The following OTOP1 variants were observed in gnomAD, a reference collection of about 807,000 sequenced individuals.
OTOP1 encodes the protein proton channel OTOP1.
Under a neutral mutation model 52.9 loss-of-function variants are expected in OTOP1, and 59 were observed. The observed-to-expected ratio is 1.12, with a 90% CI of 0.91 to 1.39. OTOP1 has a LOEUF of 1.39. Ranked by LOEUF, OTOP1 falls within the 40% of genes most tolerant of loss-of-function variation. The probability of loss-of-function intolerance (pLI) is 0.00; values close to 1 mark genes in which losing one functional copy is unlikely to be tolerated. For synonymous variants in OTOP1, 317 were observed against 337.7 expected (o/e 0.94, Z 0.67); for missense variants, 761 against 800.9 (o/e 0.95, Z 0.60).
In OTOP1 at chr4:4,197,295, C is replaced by T; in HGVS notation, c.1539G>A (p.Glu513=). The T allele has an allele frequency of 6.2e-7, 1 of 1,614,168 alleles. No homozygotes were observed. Among genetic ancestry groups the T allele is most frequent in the Non-Finnish European group, 8.5e-7 (1 of 1,180,034 alleles). ...CCCAGCTGCTCTCCTCCTGCTTCTC[C>T]TCCTCCTTGTCATGGCTTTCTCTCA... The part of the protein sequence containing the change: ...VCMRESHDKE[E]EKQEESSWGG... The change falls in exon 5 of 6, where the codon GAG becomes GAA. Residue 513 remains glutamate, a synonymous_variant. Coordinates refer to ENST00000296358, the MANE Select transcript of OTOP1 (RefSeq NM_177998.3).
At chr4:4,200,871 C>A (rs1716768604) in intron 4 of OTOP1, among the ~76,000 whole-genome samples, 1 of 152,078 alleles carries the variant, frequency 6.6e-6, no homozygotes, top group African/African-American at 2.4e-5. Flanking sequence ...ATCTTCAATT[C>A]AAGCAGGGCT....
In OTOP1 at chr4:4,226,650, G is replaced by T. The variant is rs568093695; in HGVS notation, c.215C>A (p.Ala72Glu). The change falls in exon 1 of 6, where the codon GCG (alanine) becomes GAG (glutamate). Residue 72 changes from alanine (A) to glutamate (E), a missense_variant. Transcript: ENST00000296358. ...CCAGGCCAGCAGCAGCAGCAGCCCC[G>T]CCACGAACACGATCAGCCCATACTG... Reference protein sequence around the residue: ...SSQYGLIVFVAGLLLLLAWAV... With the variant: ...SSQYGLIVFVEGLLLLLAWAV... 1.9e-5 allele frequency: 30 copies of T among 1,589,934 alleles called. No homozygotes were observed. In the South Asian group the frequency reaches 2.9e-4, roughly 16 times the overall value.
Position 4,202,504 on chromosome 4 carries a change from T to G in OTOP1, c.674A>C (p.Gln225Pro), listed in dbSNP as rs1449691329. The G allele has an allele frequency of 6.2e-7, 1 of 1,614,118 alleles. No individual in the cohort carries two copies. The highest frequency in any genetic ancestry group is 8.5e-7 in the Non-Finnish European group (1 of 1,179,972). The change falls in exon 4 of 6, where the codon CAA becomes CCA. Residue 225 changes from glutamine to proline, a missense_variant. Physicochemically the swap from Gln to Pro is moderately conservative, Grantham distance 76 (BLOSUM62 -1). Transcript: ENST00000296358. ...ANGVLNESKHQLNEHKERLIT... is the reference protein window; with the variant it reads ...ANGVLNESKHPLNEHKERLIT... ...GAGCCGTTCCTTGTGCTCATTGAGTTGGTGCTTTGACTCATTGAGGACGCC... is the reference window on the plus strand; with the variant it reads ...GAGCCGTTCCTTGTGCTCATTGAGTGGGTGCTTTGACTCATTGAGGACGCC...
intron 3 of OTOP1, 126 bp from the exon 4 acceptor site, chr4:4,202,704 G>T: frequency 7.9e-7 from 1 of 1,270,972 alleles, no homozygotes; most frequent in Non-Finnish European, 1.1e-6. Context: ...TCACCTGGCA[G>T]TTCAGGCTCT....
chr4:4,207,926 G>T (rs1041587283), intron 2 of OTOP1, among the ~76,000 whole-genome samples: 1 of 152,156 alleles, frequency 6.6e-6, no homozygotes, highest in Non-Finnish European at 1.5e-5. Flanking sequence ...TTTTTATAAA[G>T]GTATGGGTAG....
Position 4,226,458 on chromosome 4 carries a change from T to C in OTOP1, c.403+4A>G. 6.9e-7 allele frequency: 1 copy of C among 1,458,434 alleles called. No homozygotes were observed. Among genetic ancestry groups the C allele is most frequent in the Non-Finnish European group, 9.0e-7 (1 of 1,109,950 alleles). 90.3% of individuals were successfully genotyped at this position (1,458,434 alleles called of 1,614,324 possible). A position where few individuals can be genotyped will look rare whatever the true frequency, so the allele number is the denominator to read the frequency against. ...AGACCCGCTCGCCCGGCGCCTGGAC[T>C]CACCGCGCAGCCAGCCGGCACCCGC... On this transcript the variant is annotated splice_donor_region_variant and intron_variant, in intron 1 of 5. Coordinates refer to ENST00000296358, the MANE Select transcript of OTOP1 (RefSeq NM_177998.3).
intron 1 of OTOP1, among the ~76,000 whole-genome samples, chr4:4,218,372 A>G (rs1245984101): frequency 6.9e-6 from 1 of 145,004 alleles, no homozygotes; most frequent in Non-Finnish European, 1.5e-5. Flanking sequence ...AGCATGGGTG[A>G]CAGAGCGAGA....
rs1395430076 is a variant in OTOP1 at position 4,217,203 on chromosome 4, T to C, written c.404-4199A>G. ...CACCCGGTTATTTATACAACAAATA[T>C]CTTGGGGACTCCTACTATGCATGAG... is the stretch of plus-strand genomic sequence containing the variant. On this transcript the variant is annotated intron_variant, in intron 1 of 5. Coordinates refer to ENST00000296358, the MANE Select transcript of OTOP1 (RefSeq NM_177998.3). Among the ~76,000 whole-genome samples the C allele has an allele frequency of 3.9e-5, 6 of 152,330 alleles. No individual in the cohort carries two copies. In the East Asian group the frequency reaches 1.2e-3, roughly 29 times the overall value.
chr4:4,207,342 CTTT>C (rs1253943098), intron 2 of OTOP1, among the ~76,000 whole-genome samples: 1 of 152,094 alleles, frequency 6.6e-6, no homozygotes, highest in Non-Finnish European at 1.5e-5. Flanking sequence ...ACATTGAAAA[CTTT>C]TTTTAGTGAA....
At chr4:4,223,014 G>A (rs145331108) in intron 1 of OTOP1, among the ~76,000 whole-genome samples, 21 of 152,278 alleles carry the variant, frequency 1.4e-4, no homozygotes, top group Non-Finnish European at 2.4e-4. Flanking sequence ...GAAAGGTGAC[G>A]GTGATAGAGC....
At chr4:4,220,215 G>A (rs1717271877) in intron 1 of OTOP1, among the ~76,000 whole-genome samples, 1 of 148,916 alleles carries the variant, frequency 6.7e-6, no homozygotes, top group Admixed American at 6.8e-5. Flanking sequence ...GGATTCTCCT[G>A]CCTCAGCCTC....
chr4:4,189,587 G>A (rs1261870864), intron 5 of OTOP1, among the ~76,000 whole-genome samples: 4 of 152,160 alleles, frequency 2.6e-5, no homozygotes, highest in Admixed American at 6.5e-5. Flanking sequence ...CCCACCCCTT[G>A]AGTGTGGGAT....
In OTOP1 at chr4:4,202,986, T is replaced by C. The variant is rs556690657; in HGVS notation, c.600-408A>G. 3.9e-5 allele frequency among the ~76,000 whole-genome samples: 6 copies of C among 152,340 alleles called. No homozygotes were observed. In the East Asian group the frequency reaches 1.2e-3, roughly 29 times the overall value. ...AGATGAAAGAGTACCACTGGAAATC[T>C]GGAGAGCAGGTCCACCCTTACTGCT... On this transcript the variant is annotated intron_variant, in intron 3 of 5. Coordinates refer to ENST00000296358, the MANE Select transcript of OTOP1 (RefSeq NM_177998.3).
At chr4:4,200,812 G>T (rs986980240) in intron 4 of OTOP1, among the ~76,000 whole-genome samples, 1 of 150,434 alleles carries the variant, frequency 6.6e-6, no homozygotes, top group South Asian at 2.1e-4. Context: ...CCAGCCTCGG[G>T]ATTACAAAGT....
chr4:4,189,900 T>G (rs1280201748), intron 5 of OTOP1, among the ~76,000 whole-genome samples: 1 of 152,172 alleles, frequency 6.6e-6, no homozygotes, highest in Non-Finnish European at 1.5e-5. Context: ...AGCCTTGAAA[T>G]GAATGCAGCC....
intron 5 of OTOP1, among the ~76,000 whole-genome samples, chr4:4,191,291 G>T (rs1475214508): frequency 6.6e-6 from 1 of 152,032 alleles, no homozygotes; most frequent in African/African-American, 2.4e-5. Context: ...CTGGACCATG[G>T]CGGTGGCCCC....
chr4:4,217,621 G>A (rs1189715080), intron 1 of OTOP1, among the ~76,000 whole-genome samples: 1 of 152,126 alleles, frequency 6.6e-6, no homozygotes, highest in Non-Finnish European at 1.5e-5. Flanking sequence ...TAGTGGGGAA[G>A]GCAAAAAATA....
At chr4:4,224,629 A>G (rs1180538361) in intron 1 of OTOP1, among the ~76,000 whole-genome samples, 1 of 152,184 alleles carries the variant, frequency 6.6e-6, no homozygotes, top group Non-Finnish European at 1.5e-5. Context: ...GAGTCACAAA[A>G]CCATTAACTT....
chr4:4,215,508 C>T (rs1717123355), intron 1 of OTOP1, among the ~76,000 whole-genome samples: 1 of 151,874 alleles, frequency 6.6e-6, no homozygotes, highest in African/African-American at 2.4e-5. Context: ...CTAAAAAATA[C>T]AAAATTAGCG....
Sources: allele counts gnomAD v4.1 joint callset (sites outside exome capture counted in the v4.1 genomes callset), GRCh38; gene constraint gnomAD v4.1.1; transcripts MANE v1.5; gene names NCBI Gene and HGNC (gene_info 2026-07-23, HGNC 2026-07-21).